TEX15: variants seen among roughly 807,000 people sequenced by gnomAD.
The protein encoded by TEX15 is testis-expressed protein 15.
Under a neutral mutation model 237.3 loss-of-function variants are expected in TEX15, and 171 were observed. The observed-to-expected ratio is 0.72, with a 90% CI of 0.64 to 0.82. The LOEUF (loss-of-function observed/expected upper bound fraction) is 0.82. Ranked by LOEUF, TEX15 falls within the 40% of genes least tolerant of loss-of-function variation. The probability of loss-of-function intolerance (pLI) is 0.00; values close to 1 mark genes in which losing one functional copy is unlikely to be tolerated. For missense variants in TEX15, 3,750 were observed against 3,646.5 expected (o/e 1.03, Z -0.73); for synonymous variants, 1,338 against 1,269.8 (o/e 1.05, Z -1.14).
At position 30,836,976 on chromosome 8, in the gene TEX15, T is replaced by A; in HGVS notation, c.9308A>T (p.Glu3103Val). Residue 3103 changes from glutamate to valine, a missense_variant, in exon 10 of 11, where the codon GAG (glutamate) becomes GTG (valine). By Grantham distance (121) the Glu-to-Val change is moderately radical. Coordinates refer to ENST00000643185, the MANE Select transcript of TEX15 (RefSeq NM_001350162.2). ...TGGCACAAAGCCATTTGCTTGTGGCTCCCCCGCAAAATAAGTAAAATATTG... is the reference window on the plus strand; with the variant it reads ...TGGCACAAAGCCATTTGCTTGTGGCACCCCCGCAAAATAAGTAAAATATTG... ...YSQYFTYFAG[E>V]PQANGFVPVN... 6.2e-7 allele frequency: 1 copy of A among 1,614,048 alleles called. No individual in the cohort carries two copies. The highest frequency in any genetic ancestry group is 8.5e-7 in the Non-Finnish European group (1 of 1,180,016).
chr8:30,851,960 C>T (rs551077497), intron 7 of TEX15, among the ~76,000 whole-genome samples: 1 of 152,206 alleles, frequency 6.6e-6, no homozygotes, highest in Non-Finnish European at 1.5e-5. Context: ...AAAACCCTAA[C>T]TGCTTAAGTT....
chr8:30,863,972 A>G (rs902067971), intron 5 of TEX15, among the ~76,000 whole-genome samples: 1 of 150,182 alleles, frequency 6.7e-6, no homozygotes, highest in African/African-American at 2.4e-5. Flanking sequence ...AAAAAAAAAC[A>G]GAAATTGTCC....
chr8:30,895,506 T>C (rs1161172270), intron 2 of TEX15, among the ~76,000 whole-genome samples: 2 of 151,666 alleles, frequency 1.3e-5, no homozygotes, highest in African/African-American at 2.4e-5. Flanking sequence ...TAAAGAATGT[T>C]GCTGACCTTT....
At position 30,858,559 on chromosome 8, in the gene TEX15, A is replaced by C. The variant is rs1294945656; in HGVS notation, c.850+109T>G. ...GTAATCCGCCCACTTCCGCCTCCCAAAGTGCTAGGATTACAGGTGTGAACC... is the reference window on the plus strand; with the variant it reads ...GTAATCCGCCCACTTCCGCCTCCCACAGTGCTAGGATTACAGGTGTGAACC... On this transcript the variant is annotated intron_variant, in intron 7 of 10. Coordinates refer to ENST00000643185, the MANE Select transcript of TEX15 (RefSeq NM_001350162.2). 3 of 957,696 alleles carry C rather than the reference A, an allele frequency of 3.1e-6. No homozygotes were observed. In the East Asian group the frequency reaches 9.0e-5, roughly 29 times the overall value. The allele number at this position is 957,696 out of a possible 1,614,324, so 59.3% of individuals were successfully genotyped here.
intron 7 of TEX15, among the ~76,000 whole-genome samples, chr8:30,855,898 T>C (rs1046144413): frequency 6.6e-6 from 1 of 152,144 alleles, no homozygotes; most frequent in African/African-American, 2.4e-5. Context: ...ACATTAGTAG[T>C]TGCTTAGGGC....
rs139311892 is a variant in TEX15 at position 30,867,619 on chromosome 8, T to C, written c.303-117A>G. On this transcript the variant is annotated intron_variant, in intron 4 of 10. Coordinates refer to ENST00000643185, the MANE Select transcript of TEX15 (RefSeq NM_001350162.2). ...CAAGAGAAGTAGCGATATTCAGAGG[T>C]ATTACTACACTGTGATGATAAATTT... is the stretch of plus-strand genomic sequence containing the variant. 204 of 631,958 alleles carry C rather than the reference T, an allele frequency of 3.2e-4. No homozygotes were observed. The African/African-American group carries it at 3.4e-3, about 10-fold the overall frequency. 39.1% of individuals were successfully genotyped at this position (631,958 alleles called of 1,614,324 possible). A position where few individuals can be genotyped will look rare whatever the true frequency, so the allele number is the denominator to read the frequency against.
rs1444036833 is a variant in TEX15, at chr8:30,845,842, GAAT to G, written c.4322_4324del (p.Tyr1441del). On this transcript the variant is annotated inframe_deletion, in exon 8 of 11. Transcript: ENST00000643185. ...TCTTTTTGACGAAAAATGCTTAGTA[GAAT>G]AATATTTTCTTTGAGACACAGAACT... The G allele has an allele frequency of 2.5e-6, 4 of 1,610,170 alleles. No individual in the cohort carries two copies. The Admixed American group carries it at 5.1e-5, about 20-fold the overall frequency.
chr8:30,873,262 C>G (rs1324477976), intron 4 of TEX15, among the ~76,000 whole-genome samples: 1 of 152,134 alleles, frequency 6.6e-6, no homozygotes, highest in Non-Finnish European at 1.5e-5. Context: ...TCCTTTTAAA[C>G]CCATATTCAC....
intron 9 of TEX15, 84 bp from the exon 10 acceptor site, chr8:30,838,145 T>C: frequency 8.2e-7 from 1 of 1,214,820 alleles, no homozygotes; most frequent in Non-Finnish European, 1.1e-6. Context: ...TTGAAATTTT[T>C]ATCCAGGGGA....
intron 8 of TEX15, 141 bp from the exon 9 acceptor site, chr8:30,840,105 C>A (rs1391053236): frequency 6.5e-6 from 3 of 461,800 alleles, no homozygotes; most frequent in Non-Finnish European, 1.1e-5. Context: ...CACCTCCCTG[C>A]AGAAAGCAGT....
Position 30,844,344 on chromosome 8 carries a change from A to G in TEX15, c.5823T>C (p.His1941=). The change falls in exon 8 of 11, where the codon CAT becomes CAC. Residue 1941 remains histidine, a synonymous_variant. Coordinates refer to ENST00000643185, the MANE Select transcript of TEX15 (RefSeq NM_001350162.2). ...GTTTGGAAATATAGGCTATTTCTGA[A>G]TGTAATGTCAAGTCAGACTGCGAGT... ...SKDSQSDLTL[H]SEIAYISKPG... The G allele has an allele frequency of 1.2e-6, 2 of 1,612,030 alleles. No individual in the cohort carries two copies. The highest frequency in any genetic ancestry group is 1.7e-6 in the Non-Finnish European group (2 of 1,179,268).
chr8:30,859,725 T>C (rs547554308), intron 6 of TEX15, among the ~76,000 whole-genome samples, 186 bp downstream of exon 6: 1 of 152,202 alleles, frequency 6.6e-6, no homozygotes, highest in Non-Finnish European at 1.5e-5. Flanking sequence ...CTGAGTTAAA[T>C]GTAATTTTTC....
At chr8:30,859,823 T>G in intron 6 of TEX15, 88 bp downstream of exon 6, 1 of 1,039,164 alleles carries the variant, frequency 9.6e-7, no homozygotes, top group Non-Finnish European at 1.3e-6. Flanking sequence ...ATTAAGAGAT[T>G]TTCATTTAAC....
intron 4 of TEX15, among the ~76,000 whole-genome samples, chr8:30,871,839 T>C (rs190902461): frequency 1.3e-5 from 2 of 152,262 alleles, no homozygotes; most frequent in East Asian, 1.9e-4. Flanking sequence ...TAGATCTAAA[T>C]AACCAACGTT....
chr8:30,848,249 A>G lies in TEX15; in HGVS notation c.1918T>C (p.Trp640Arg). 1 of 1,612,116 alleles carries G rather than the reference A, an allele frequency of 6.2e-7. No homozygotes were observed. Residue 640 changes from tryptophan (W) to arginine (R), a missense_variant, in exon 8 of 11, where the codon TGG becomes CGG. Transcript: ENST00000643185. ...GTGAAATCATTATCAATTTCTTTCC[A>G]TGAAGTTTGCTTTTCTTCATGTTTG... ...SSKHEEKQTS[W>R]KEIDNDFTNE...
intron 3 of TEX15, among the ~76,000 whole-genome samples, chr8:30,875,904 T>C (rs1319247471): frequency 6.6e-6 from 1 of 152,010 alleles, no homozygotes; most frequent in Admixed American, 6.6e-5. Flanking sequence ...CTCTAACTCC[T>C]GGGCTCCAGC....
intron 2 of TEX15, among the ~76,000 whole-genome samples, chr8:30,889,854 AT>A (rs1808745831): frequency 6.7e-6 from 1 of 150,244 alleles, no homozygotes; most frequent in Non-Finnish European, 1.5e-5. Flanking sequence ...TAACCTTTAT[AT>A]TTATATGTTA....
chr8:30,838,773 C>CAT (rs34610592), intron 9 of TEX15, among the ~76,000 whole-genome samples: 710 of 65,306 alleles, frequency 0.011, 2 homozygotes, highest in Non-Finnish European at 0.015. Flanking sequence ...TATATAAAAA[C>CAT]ATATATATAT....
At position 30,848,004 on chromosome 8, in the gene TEX15, T is replaced by C; in HGVS notation, c.2163A>G (p.Ser721=). 6.2e-7 allele frequency: 1 copy of C among 1,614,018 alleles called. No individual in the cohort carries two copies. Residue 721 remains serine (S), a synonymous_variant, in exon 8 of 11, where the codon TCA becomes TCG. Transcript: ENST00000643185. ...CCACAGAGTGCTGAGGATGCTTTTGTGACAGGCTCTCAAAACTTGGAGTAA... is the reference window on the plus strand; with the variant it reads ...CCACAGAGTGCTGAGGATGCTTTTGCGACAGGCTCTCAAAACTTGGAGTAA... The part of the protein sequence containing the change: ...WQITPSFESL[S]QKHPQHSVEY...
Sources: gnomAD v4.1 joint callset for allele counts (sites outside exome capture counted in the v4.1 genomes callset) on GRCh38, gnomAD v4.1.1 for gene constraint, MANE v1.5 for transcripts, NCBI Gene and HGNC (gene_info 2026-07-23, HGNC 2026-07-21) for gene names.